PRICKLE2: variants seen among roughly 807,000 people sequenced by gnomAD.
The protein encoded by PRICKLE2 is prickle-like protein 2.
A neutral mutation model predicts 81.4 loss-of-function variants in PRICKLE2; 21 were observed. The observed-to-expected ratio is 0.26, with a 90% CI of 0.18 to 0.37. The LOEUF (loss-of-function observed/expected upper bound fraction) is 0.37. Among genes scored for constraint, PRICKLE2 ranks in the 10% least tolerant of loss-of-function variants. The pLI is 1.00. For missense variants in PRICKLE2, 940 were observed against 1,109.0 expected (o/e 0.85, Z 2.16); for synonymous variants, 456 against 421.5 (o/e 1.08, Z -1.00).
intron 1 of PRICKLE2, among the ~76,000 whole-genome samples, chr3:64,215,630 A>G (rs1391195600): frequency 1.3e-5 from 2 of 152,240 alleles, no homozygotes; most frequent in Non-Finnish European, 2.9e-5. Flanking sequence ...CTGAAAATGT[A>G]TATTGCTACA....
At chr3:64,225,788 C>T (rs534469549), upstream of PRICKLE2, among the ~76,000 whole-genome samples, 5 of 152,114 alleles carry the variant, frequency 3.3e-5, no homozygotes, top group African/African-American at 7.2e-5. Flanking sequence ...TCAACCTGAG[C>T]GCCTGTTTCA....
At chr3:64,254,821 T>C (rs970250789) in intron 2 of PRICKLE2, among the ~76,000 whole-genome samples, 1 of 152,176 alleles carries the variant, frequency 6.6e-6, no homozygotes, top group Admixed American at 6.5e-5. Flanking sequence ...CAGTTGAAAA[T>C]GAAGATTTGA....
At chr3:64,185,835 C>G (rs1280803853) in intron 2 of PRICKLE2, among the ~76,000 whole-genome samples, 3 of 152,156 alleles carry the variant, frequency 2.0e-5, no homozygotes, top group Non-Finnish European at 4.4e-5. Flanking sequence ...TTGGTAAGTT[C>G]CAACATATGT....
At chr3:64,205,795 A>G (rs1036431967) in intron 1 of PRICKLE2, among the ~76,000 whole-genome samples, 3 of 152,202 alleles carry the variant, frequency 2.0e-5, no homozygotes, top group African/African-American at 7.2e-5. Flanking sequence ...GTGGAAACTC[A>G]AAACAGAAAA....
At chr3:64,184,822 A>G (rs1248822365) in intron 2 of PRICKLE2, among the ~76,000 whole-genome samples, 1 of 152,150 alleles carries the variant, frequency 6.6e-6, no homozygotes, top group East Asian at 1.9e-4. Context: ...CATCCAGATG[A>G]ATTCTTGACT....
chr3:64,207,584 C>A (rs1234852667), intron 1 of PRICKLE2, among the ~76,000 whole-genome samples: 1 of 152,168 alleles, frequency 6.6e-6, no homozygotes, highest in African/African-American at 2.4e-5. Context: ...ATTATTCAAT[C>A]CAGATAAGCG....
chr3:64,101,479 G>GT lies in PRICKLE2; in HGVS notation c.1661-1555dup, dbSNP rs571888131. The stretch of plus-strand genomic sequence containing the variant: ...GTATTAAAAATAAGATATGGCAGGG[G>GT]TTTGTCAGAAGGACACAGGGCCTAA... On this transcript the variant is annotated intron_variant, in intron 7 of 7. Coordinates refer to ENST00000638394, the MANE Select transcript of PRICKLE2 (RefSeq NM_198859.4). 251 of 152,296 alleles carry GT rather than the reference G, an allele frequency of 1.6e-3. 2 individuals are homozygous for GT. Among genetic ancestry groups the GT allele is most frequent in the African/African-American group, 5.8e-3 (241 of 41,548 alleles). 9.4% of individuals were successfully genotyped at this position (152,296 alleles called of 1,614,324 possible). A position where few individuals can be genotyped will look rare whatever the true frequency, so the allele number is the denominator to read the frequency against.
At chr3:64,169,496 G>T (rs1172501356) in intron 2 of PRICKLE2, among the ~76,000 whole-genome samples, 1 of 152,134 alleles carries the variant, frequency 6.6e-6, no homozygotes, top group African/African-American at 2.4e-5. Flanking sequence ...TCAAACAGTA[G>T]CATACTTTAG....
In PRICKLE2 at chr3:64,183,821, C is replaced by A. The variant is rs58165451; in HGVS notation, c.144+14963G>T. Among the ~76,000 whole-genome samples, 1,452 of 152,284 alleles carry A rather than the reference C, an allele frequency of 9.5e-3. 26 individuals are homozygous for A. The highest frequency in any genetic ancestry group is 0.033 in the African/African-American group (1,365 of 41,574). On this transcript the variant is annotated intron_variant, in intron 2 of 7. Transcript: ENST00000638394. ...CACTTGATCACTGCCTGAAAACAAACTTTTCTGATCCATGACTTTTTCTGC... is the reference window on the plus strand; with the variant it reads ...CACTTGATCACTGCCTGAAAACAAAATTTTCTGATCCATGACTTTTTCTGC...
intron 7 of PRICKLE2, chr3:64,104,543 G>T (rs551448544): frequency 6.6e-6 from 1 of 152,184 alleles, no homozygotes; most frequent in South Asian, 2.1e-4. Flanking sequence ...TCCTATTTCC[G>T]TGAGGAGGTG....
rs146050326 is a variant in PRICKLE2, at chr3:64,107,041, T to C, written c.1661-7116A>G. 1.8e-4 allele frequency among the ~76,000 whole-genome samples: 27 copies of C among 152,288 alleles called. No homozygotes were observed. The East Asian group carries it at 1.9e-3, about 11-fold the overall frequency. On this transcript the variant is annotated intron_variant, in intron 7 of 7. Coordinates refer to ENST00000638394, the MANE Select transcript of PRICKLE2 (RefSeq NM_198859.4). ...TTATGAGAGGTGCTCAGGGTGATGA[T>C]AGAGTTAAACGCAGTGATTTATCCA...
At chr3:64,146,729 C>T (rs984458183) in intron 7 of PRICKLE2, 101 bp downstream of exon 7, 10 of 1,324,246 alleles carry the variant, frequency 7.6e-6, no homozygotes, top group East Asian at 2.3e-5. Flanking sequence ...GGGGACAGAG[C>T]GAGACTCCAT....
chr3:64,267,797 T>C (rs1227329675), intron 2 of PRICKLE2: 2 of 152,184 alleles, frequency 1.3e-5, no homozygotes, highest in Non-Finnish European at 2.9e-5. Flanking sequence ...AGAGCTTAGT[T>C]TCCAGCTGCA....
chr3:64,117,288 A>C (rs2076949507), intron 7 of PRICKLE2, among the ~76,000 whole-genome samples: 2 of 152,234 alleles, frequency 1.3e-5, no homozygotes, highest in Non-Finnish European at 2.9e-5. Context: ...GAAAACCAGC[A>C]TAAGACAAGG....
At chr3:64,112,767 A>T (rs1015677069) in intron 7 of PRICKLE2, among the ~76,000 whole-genome samples, 1 of 152,230 alleles carries the variant, frequency 6.6e-6, no homozygotes, top group African/African-American at 2.4e-5. Flanking sequence ...TGCATCAGAC[A>T]AGGCCTAATA....
chr3:64,160,709 G>A (rs1357571479), intron 3 of PRICKLE2, among the ~76,000 whole-genome samples: 1 of 152,194 alleles, frequency 6.6e-6, no homozygotes, highest in East Asian at 1.9e-4. Flanking sequence ...CGACTTGCAA[G>A]AGACATTTTC....
In PRICKLE2 at chr3:64,100,126, A is replaced by G. The variant is rs1038371904; in HGVS notation, c.1661-201T>C. On this transcript the variant is annotated intron_variant, in intron 7 of 7. Transcript: ENST00000638394. ...AGGTCACTATCTACCTAGAGGGGGC[A>G]CTTACTTAAAATGCTTCCAGAGATG... 22 of 594,928 alleles carry G rather than the reference A, an allele frequency of 3.7e-5. No homozygotes were observed. In the African/African-American group the frequency reaches 4.1e-4, roughly 11 times the overall value. 36.9% of individuals were successfully genotyped at this position (594,928 alleles called of 1,614,324 possible).
At chr3:64,220,953 G>T (rs1195427548) in intron 1 of PRICKLE2, among the ~76,000 whole-genome samples, 1 of 152,172 alleles carries the variant, frequency 6.6e-6, no homozygotes, top group Non-Finnish European at 1.5e-5. Flanking sequence ...GGTCCATGGT[G>T]CTCTAGTGGA....
chr3:64,157,744 C>A lies in PRICKLE2; in HGVS notation c.397-379G>T, dbSNP rs569897487. On this transcript the variant is annotated intron_variant, in intron 4 of 7. Coordinates refer to ENST00000638394, the MANE Select transcript of PRICKLE2 (RefSeq NM_198859.4). ...TGCAGAGACACAGCCAGGTTTAACA[C>A]CACCAGGAGTGGCTGGGGAGGGAGG... is the stretch of plus-strand genomic sequence containing the variant. 3.3e-5 allele frequency among the ~76,000 whole-genome samples: 5 copies of A among 152,160 alleles called. No individual in the cohort carries two copies. The South Asian group carries it at 8.3e-4, about 25-fold the overall frequency.
Sources: allele counts gnomAD v4.1 joint callset (sites outside exome capture counted in the v4.1 genomes callset), GRCh38; gene constraint gnomAD v4.1.1; transcripts MANE v1.5; gene names NCBI Gene and HGNC (gene_info 2026-07-23, HGNC 2026-07-21).